Variants in MGAT4D observed in about 807,000 individuals in gnomAD.
The protein encoded by MGAT4D is MGAT4 family member D.
In MGAT4D, 34 loss-of-function variants were observed where a neutral mutation model predicts 15.9. That is an observed-to-expected ratio of 2.14 (90% CI 1.62 to 2.84). The LOEUF is 2.84. Among genes scored for constraint, MGAT4D ranks in the 30% most tolerant of loss-of-function variants. The pLI, the probability that MGAT4D is intolerant of heterozygous loss-of-function variation, is 0.00. For synonymous variants in MGAT4D, 112 were observed against 48.2 expected, an observed-to-expected ratio of 2.33 and a Z score of -5.49; for missense variants, 327 against 140.2, an observed-to-expected ratio of 2.33 and a Z score of -6.73.
intron 1 of MGAT4D, among the ~76,000 whole-genome samples, chr4:140,484,604 G>A (rs578241442): frequency 4.7e-4 from 72 of 152,280 alleles, no homozygotes; most frequent in Non-Finnish European, 7.5e-4. Context: ...TACCATCAGA[G>A]CGAACAGGCA....
chr4:140,446,279 CT>C (rs1259784859), intron 10 of MGAT4D, among the ~76,000 whole-genome samples: 2 of 152,142 alleles, frequency 1.3e-5, no homozygotes, highest in Non-Finnish European at 2.9e-5. Flanking sequence ...TAGAATTTGG[CT>C]GTGAATCTGT....
chr4:140,485,649 A>G (rs1733062816), intron 1 of MGAT4D, among the ~76,000 whole-genome samples: 1 of 150,872 alleles, frequency 6.6e-6, no homozygotes, highest in Non-Finnish European at 1.5e-5. Flanking sequence ...CAAAGGAAAT[A>G]AAGTCAGTAT....
At chr4:140,469,030 G>GC (rs1167753975) in intron 5 of MGAT4D, among the ~76,000 whole-genome samples, 1 of 152,020 alleles carries the variant, frequency 6.6e-6, no homozygotes, top group African/African-American at 2.4e-5. Context: ...TCTCTCTACT[G>GC]CAGCACAAGT....
intron 1 of MGAT4D, among the ~76,000 whole-genome samples, chr4:140,489,070 C>T (rs888774754): frequency 6.6e-6 from 1 of 152,142 alleles, no homozygotes. Flanking sequence ...CAAGAATGGC[C>T]TACTACAGTT....
chr4:140,492,637 A>G (rs920922388), intron 1 of MGAT4D, among the ~76,000 whole-genome samples: 8 of 152,112 alleles, frequency 5.3e-5, no homozygotes, highest in Non-Finnish European at 1.2e-4. Flanking sequence ...CAAAAAAAAA[A>G]AAAAAATTGA....
At chr4:140,482,543 C>A in intron 1 of MGAT4D, 58 bp from the exon 2 acceptor site, 1 of 553,732 alleles carries the variant, frequency 1.8e-6, no homozygotes, top group South Asian at 2.5e-5. Context: ...ACACAATTTT[C>A]TATAATAGGT....
intron 1 of MGAT4D, among the ~76,000 whole-genome samples, chr4:140,491,235 A>G (rs1274415719): frequency 6.6e-6 from 1 of 152,194 alleles, no homozygotes; most frequent in African/African-American, 2.4e-5. Context: ...CATGGACAGT[A>G]ATAACAATCT....
chr4:140,449,269 A>G (rs1227174727), intron 10 of MGAT4D, among the ~76,000 whole-genome samples: 1 of 152,236 alleles, frequency 6.6e-6, no homozygotes, highest in Non-Finnish European at 1.5e-5. Flanking sequence ...AGAATATGAA[A>G]TGATAAAAAG....
Position 140,485,810 on chromosome 4 carries a change from TAAAAAAAAAAA to T in MGAT4D, c.95-3336_95-3326del, listed in dbSNP as rs61131099. The stretch of plus-strand genomic sequence containing the variant: ...TGAGCAACAGAGCAAGACCCTGTCT[TAAAAAAAAAAA>T]AAAAAAAAAAAAAAAAAAAAAAAAA... On this transcript the variant is annotated intron_variant, in intron 1 of 10. Coordinates refer to ENST00000511113, the MANE Select transcript of MGAT4D (RefSeq NM_001277353.2). Among the ~76,000 whole-genome samples, 55 of 13,018 alleles carry T rather than the reference TAAAAAAAAAAA, an allele frequency of 4.2e-3. 2 individuals are homozygous for T. Among genetic ancestry groups the T allele is most frequent in the East Asian group, 0.029 (8 of 278 alleles). The allele number at this position is 13,018 out of a possible 152,430, so 8.5% of individuals were successfully genotyped here. A position where few individuals can be genotyped will look rare whatever the true frequency, so the allele number is the denominator to read the frequency against.
Position 140,452,001 on chromosome 4 carries a change from A to C in MGAT4D, c.1009-484T>G, listed in dbSNP as rs1304558914. On this transcript the variant is annotated intron_variant, in intron 9 of 10. Coordinates refer to ENST00000511113, the MANE Select transcript of MGAT4D (RefSeq NM_001277353.2). ...GAATCTGGATAATTTTCTCAAAAAA[A>C]AAAAAAAAAAAGAAGGATGACCTAT... 3.1e-3 allele frequency among the ~76,000 whole-genome samples: 467 copies of C among 151,336 alleles called. 7 individuals carry two copies. Among genetic ancestry groups the C allele is most frequent in the African/African-American group, 0.01 (434 of 41,352 alleles).
At chr4:140,453,694 G>T (rs1276516240) in intron 9 of MGAT4D, among the ~76,000 whole-genome samples, 2 of 151,842 alleles carry the variant, frequency 1.3e-5, no homozygotes, top group African/African-American at 4.8e-5. Flanking sequence ...GAGATCTAAT[G>T]GTTTTATGTG....
chr4:140,461,884 C>T (rs1278232389), intron 7 of MGAT4D, 45 bp downstream of exon 7: 7 of 351,970 alleles, frequency 2.0e-5, no homozygotes, highest in South Asian at 7.9e-5. Context: ...GGTGTATACA[C>T]ACACACACAC....
intron 3 of MGAT4D, among the ~76,000 whole-genome samples, chr4:140,478,151 T>C (rs1010651866): frequency 1.3e-5 from 2 of 152,152 alleles, no homozygotes; most frequent in African/African-American, 2.4e-5. Flanking sequence ...TACACCATGA[T>C]TGGAGATCAA....
At chr4:140,447,021 AT>A (rs927927094) in intron 10 of MGAT4D, among the ~76,000 whole-genome samples, 1 of 150,876 alleles carries the variant, frequency 6.6e-6, no homozygotes, top group African/African-American at 2.4e-5. Flanking sequence ...GTTTTGAGCA[AT>A]TTTCTTAGTC....
chr4:140,470,886 A>ATTT (rs1560782992), intron 5 of MGAT4D, among the ~76,000 whole-genome samples: 1 of 135,906 alleles, frequency 7.4e-6, no homozygotes, highest in Non-Finnish European at 1.6e-5. Flanking sequence ...TTTATTTTAT[A>ATTT]ATTTTTTTTT....
Position 140,490,429 on chromosome 4 carries a change from G to T in MGAT4D, c.94+7700C>A, listed in dbSNP as rs540545579. The stretch of plus-strand genomic sequence containing the variant: ...GGACGTGACCAGAACCTGAACGCTG[G>T]AACTCTTTCATATGCGATGGGTCTG... On this transcript the variant is annotated intron_variant, in intron 1 of 10. Transcript: ENST00000511113. Among the ~76,000 whole-genome samples the T allele has an allele frequency of 7.9e-5, 12 of 152,272 alleles. 1 individual carries two copies. The highest frequency in any genetic ancestry group is 1.6e-4 in the Non-Finnish European group (11 of 68,006).
At chr4:140,481,151 T>TA (rs1355683728) in intron 2 of MGAT4D, among the ~76,000 whole-genome samples, 3 of 151,288 alleles carry the variant, frequency 2.0e-5, no homozygotes, top group African/African-American at 7.3e-5. Flanking sequence ...CTACAAAAAA[T>TA]AAAATTAGCC....
At chr4:140,459,892 C>G (rs1003422815) in intron 7 of MGAT4D, among the ~76,000 whole-genome samples, 1 of 142,330 alleles carries the variant, frequency 7.0e-6, no homozygotes, top group Admixed American at 7.7e-5. Flanking sequence ...GCCACCATGT[C>G]TGGCTAATTT....
chr4:140,483,301 G>A (rs1026504886), intron 1 of MGAT4D, among the ~76,000 whole-genome samples: 2 of 152,040 alleles, frequency 1.3e-5, no homozygotes, highest in Admixed American at 6.6e-5. Flanking sequence ...AAATACTTGG[G>A]AATAAATTTA....
Sources: allele counts gnomAD v4.1 joint callset (sites outside exome capture counted in the v4.1 genomes callset), GRCh38; gene constraint gnomAD v4.1.1; transcripts MANE v1.5; gene names NCBI Gene and HGNC (gene_info 2026-07-23, HGNC 2026-07-21).